CNNM3: variants seen among roughly 807,000 people sequenced by gnomAD.
The protein encoded by CNNM3 is metal transporter CNNM3.
In CNNM3, 47 loss-of-function variants were observed where a neutral mutation model predicts 57.1. That is an observed-to-expected ratio of 0.82 (90% CI 0.65 to 1.05). The LOEUF (loss-of-function observed/expected upper bound fraction) is 1.05, where lower values mean the gene tolerates loss of function less well. Ranked by LOEUF, CNNM3 falls within the 50% of genes least tolerant of loss-of-function variation. CNNM3 has a pLI of 0.00. For synonymous variants in CNNM3, 507 were observed against 478.2 expected (o/e 1.06, Z -0.79); for missense variants, 957 against 973.7 (o/e 0.98, Z 0.23).
intron 7 of CNNM3, 91 bp downstream of exon 7, chr2:96,829,225 C>T (rs1175097259): frequency 1.1e-5 from 16 of 1,426,096 alleles, no homozygotes; most frequent in Non-Finnish European, 1.4e-5. Flanking sequence ...GCCCCCCCAC[C>T]CTCTGTCTTT....
intron 1 of CNNM3, among the ~76,000 whole-genome samples, chr2:96,820,282 G>A (rs535775022): frequency 6.6e-6 from 1 of 152,332 alleles, no homozygotes; most frequent in East Asian, 1.9e-4. Flanking sequence ...GAGCAGCTGA[G>A]GATGAGGCCC....
At position 96,816,497 on chromosome 2, in the gene CNNM3, A is replaced by G. The variant is rs1559004585; in HGVS notation, c.220A>G (p.Ser74Gly). The G allele has an allele frequency of 6.9e-6, 10 of 1,456,642 alleles. No individual in the cohort carries two copies. The highest frequency in any genetic ancestry group is 8.1e-6 in the Non-Finnish European group (9 of 1,104,958). The allele number at this position is 1,456,642 out of a possible 1,614,324, so 90.2% of individuals were successfully genotyped here. ...LRLFGPGFANSSWSWVAPEGA... is the reference protein window; with the variant it reads ...LRLFGPGFANGSWSWVAPEGA... ...CCTCTTCGGCCCGGGCTTCGCCAAC[A>G]GCTCTTGGTCCTGGGTGGCCCCGGA... is the stretch of plus-strand genomic sequence containing the variant. Residue 74 changes from serine to glycine, a missense_variant, in exon 1 of 8, where the codon AGC (serine) becomes GGC (glycine). Physicochemically the swap from Ser to Gly is moderately conservative, Grantham distance 56 (BLOSUM62 0). Around this residue, in one of 2 missense-constraint regions of CNNM3, gnomAD observed 466 missense variants for 403.1 expected, o/e 1.16. Transcript: ENST00000305510.
chr2:96,828,443 G>A, intron 5 of CNNM3, 124 bp from the exon 6 acceptor site: 1 of 1,238,308 alleles, frequency 8.1e-7, no homozygotes, highest in Non-Finnish European at 1.1e-6. Flanking sequence ...AGCTTCCCAT[G>A]CACATTGCCT....
At position 96,834,594 on chromosome 2, in the gene CNNM3, C is replaced by T. The variant is rs1281306342; in HGVS notation, c.*1978C>T. On this transcript the variant is annotated 3_prime_UTR_variant, in exon 8 of 8. Coordinates refer to ENST00000305510, the MANE Select transcript of CNNM3 (RefSeq NM_017623.5). Reference sequence around the variant, plus strand: ...GAACTCCTAGGCTCAAGCGATCCTCCTGCCTCGGCCTCCCAAAGTGTTGAG... The same window carrying T: ...GAACTCCTAGGCTCAAGCGATCCTCTTGCCTCGGCCTCCCAAAGTGTTGAG... Among the ~76,000 whole-genome samples the T allele has an allele frequency of 6.6e-6, 1 of 152,014 alleles. No homozygotes were observed. Among genetic ancestry groups the T allele is most frequent in the Non-Finnish European group, 1.5e-5 (1 of 67,986 alleles).
At position 96,817,212 on chromosome 2, in the gene CNNM3, G is replaced by T; in HGVS notation, c.935G>T (p.Arg312Leu). Residue 312 changes from arginine to leucine, a missense_variant, in exon 1 of 8, where the codon CGG becomes CTG. Physicochemically the swap from Arg to Leu is moderately radical, Grantham distance 102. This residue lies in a region of CNNM3 where 491 missense variants were observed against 570.6 expected (regional missense o/e 0.86). Coordinates refer to ENST00000305510, the MANE Select transcript of CNNM3 (RefSeq NM_017623.5). ...CTCAGCAAGGGCGTGCTGCGCTGCC[G>T]GACCGTGGAGGACGTGCTCACGCCC... ...SDLSKGVLRC[R>L]TVEDVLTPLE... The T allele has an allele frequency of 6.3e-7, 1 of 1,596,638 alleles. No individual in the cohort carries two copies. Among genetic ancestry groups the T allele is most frequent in the Admixed American group, 1.7e-5 (1 of 59,710 alleles).
rs1421786419 is a variant in CNNM3, at chr2:96,816,484, G to C, written c.207G>C (p.Pro69=). 1 of 1,458,514 alleles carries C rather than the reference G, an allele frequency of 6.9e-7. No individual in the cohort carries two copies. Among genetic ancestry groups the C allele is most frequent in the Non-Finnish European group, 9.0e-7 (1 of 1,105,910 alleles). The allele number at this position is 1,458,514 out of a possible 1,614,324, so 90.3% of individuals were successfully genotyped here. The change falls in exon 1 of 8, where the codon CCG becomes CCC. Residue 69 remains proline (P), a synonymous_variant. Coordinates refer to ENST00000305510, the MANE Select transcript of CNNM3 (RefSeq NM_017623.5). ...DATFLLRLFG[P]GFANSSWSWV... Reference sequence around the variant, plus strand: ...CCTTCCTCCTGCGCCTCTTCGGCCCGGGCTTCGCCAACAGCTCTTGGTCCT... The same window carrying C: ...CCTTCCTCCTGCGCCTCTTCGGCCCCGGCTTCGCCAACAGCTCTTGGTCCT...
Position 96,833,401 on chromosome 2 carries a change from CCT to C in CNNM3, c.*791_*792del, listed in dbSNP as rs1414082351. ...AAGGGATCGTCATGCTGCATCGAAT[CCT>C]CTCTCCGCCGTGTGGCCCCCAGGAG... is the stretch of plus-strand genomic sequence containing the variant. On this transcript the variant is annotated 3_prime_UTR_variant, in exon 8 of 8. Coordinates refer to ENST00000305510, the MANE Select transcript of CNNM3 (RefSeq NM_017623.5). 1.8e-5 allele frequency: 4 copies of C among 217,460 alleles called. No individual in the cohort carries two copies. Among genetic ancestry groups the C allele is most frequent in the Non-Finnish European group, 3.7e-5 (4 of 108,044 alleles). 13.5% of individuals were successfully genotyped at this position (217,460 alleles called of 1,614,324 possible).
At chr2:96,817,747 A>G (rs2079346047) in intron 1 of CNNM3, among the ~76,000 whole-genome samples, 1 of 140,916 alleles carries the variant, frequency 7.1e-6, no homozygotes, top group African/African-American at 3.0e-5. Context: ...CCGCGTCAGG[A>G]TAGCCCCCCC....
intron 1 of CNNM3, among the ~76,000 whole-genome samples, chr2:96,822,379 G>A (rs1001795539): frequency 6.6e-5 from 10 of 152,034 alleles, no homozygotes; most frequent in Non-Finnish European, 1.0e-4. Context: ...TGTGATCGTG[G>A]CTCACTGTAG....
chr2:96,823,269 AC>A (rs1232979271), intron 1 of CNNM3, among the ~76,000 whole-genome samples: 3 of 152,106 alleles, frequency 2.0e-5, no homozygotes, highest in African/African-American at 7.2e-5. Flanking sequence ...TCTGTAGGAA[AC>A]CTGCCAAAGG....
rs74931057 is a variant in CNNM3, at chr2:96,830,584, G to A, written c.2059+1450G>A. ...GCCATGTGGATGCTTCAGCCCCTGT[G>A]GGCTCCAGATCTGGGTGTTGGCAAA... On this transcript the variant is annotated intron_variant, in intron 7 of 7. Transcript: ENST00000305510. 1.6e-3 allele frequency among the ~76,000 whole-genome samples: 243 copies of A among 152,364 alleles called. 5 individuals carry two copies. The East Asian group carries it at 0.042, about 27-fold the overall frequency.
At chr2:96,821,553 A>G (rs2079406533) in intron 1 of CNNM3, among the ~76,000 whole-genome samples, 1 of 152,178 alleles carries the variant, frequency 6.6e-6, no homozygotes, top group African/African-American at 2.4e-5. Context: ...CGTGCTGATT[A>G]TTTTGTGCAG....
At chr2:96,831,708 G>A (rs569302087) in intron 7 of CNNM3, among the ~76,000 whole-genome samples, 45 of 152,262 alleles carry the variant, frequency 3.0e-4, no homozygotes, top group Middle Eastern at 3.4e-3. Flanking sequence ...GGTCCTCCAC[G>A]TCAGTTCTTC....
At position 96,821,999 on chromosome 2, in the gene CNNM3, ATTATTATTT is replaced by A. The variant is rs1165928031; in HGVS notation, c.1226-3056_1226-3048del. 6.3e-4 allele frequency among the ~76,000 whole-genome samples: 95 copies of A among 149,818 alleles called. 1 individual carries two copies. The Middle Eastern group carries it at 0.021, about 33-fold the overall frequency. ...TGTACAAAAGAACATTATTATTATT[ATTATTATTT>A]TTTTTTTTTTTTTGAGATGGAGTGT... On this transcript the variant is annotated intron_variant, in intron 1 of 7. Coordinates refer to ENST00000305510, the MANE Select transcript of CNNM3 (RefSeq NM_017623.5).
intron 1 of CNNM3, among the ~76,000 whole-genome samples, chr2:96,822,464 C>T (rs2079423955): frequency 6.6e-6 from 1 of 152,142 alleles, no homozygotes; most frequent in Non-Finnish European, 1.5e-5. Context: ...TGAACACCAC[C>T]ATCCCCAGCT....
At position 96,826,968 on chromosome 2, in the gene CNNM3, G is replaced by A. The variant is rs140196514; in HGVS notation, c.1505G>A (p.Arg502His). 3.7e-6 allele frequency: 6 copies of A among 1,613,896 alleles called. No homozygotes were observed. The highest frequency in any genetic ancestry group is 1.3e-5 in the African/African-American group (1 of 74,938). The change falls in exon 3 of 8, where the codon CGC becomes CAC. Residue 502 changes from arginine (R) to histidine (H), a missense_variant. Physicochemically the swap from Arg to His is conservative, Grantham distance 29. Coordinates refer to ENST00000305510, the MANE Select transcript of CNNM3 (RefSeq NM_017623.5). ...CCTCAGCTGCTCTTGGCCACCCAGC[G>A]CTTCCTGTCCCGAGGTGAGGCGGGA... is the stretch of plus-strand genomic sequence containing the variant. Reference protein sequence around the residue: ...ISPQLLLATQRFLSREVDVFS... With the variant: ...ISPQLLLATQHFLSREVDVFS...
At chr2:96,819,677 T>G (rs560007040) in intron 1 of CNNM3, among the ~76,000 whole-genome samples, 6 of 152,256 alleles carry the variant, frequency 3.9e-5, no homozygotes, top group Non-Finnish European at 5.9e-5. Flanking sequence ...CTAGATTCTT[T>G]AAGAAAAAGC....
Position 96,832,691 on chromosome 2 carries a change from T to G in CNNM3, c.*75T>G. ...GCTGGAGTGAGCTGAGCAGAAGTTT[T>G]GTGCCCGCCTGCCCCCATCCCCTCC... On this transcript the variant is annotated 3_prime_UTR_variant, in exon 8 of 8. Coordinates refer to ENST00000305510, the MANE Select transcript of CNNM3 (RefSeq NM_017623.5). 1 of 1,597,368 alleles carries G rather than the reference T, an allele frequency of 6.3e-7. No homozygotes were observed. The highest frequency in any genetic ancestry group is 8.5e-7 in the Non-Finnish European group (1 of 1,176,206).
rs1018830301 is a variant in CNNM3, at chr2:96,818,242, T to C, written c.1225+740T>C. Among the ~76,000 whole-genome samples the C allele has an allele frequency of 2.0e-5, 3 of 152,016 alleles. 1 individual carries two copies. Among genetic ancestry groups the C allele is most frequent in the Admixed American group, 2.0e-4 (3 of 15,260 alleles). ...TGGGACTACAGATGCACCCCACCAT[T>C]CCGGGCTAATTTTTGTATTTTTAGT... On this transcript the variant is annotated intron_variant, in intron 1 of 7. Coordinates refer to ENST00000305510, the MANE Select transcript of CNNM3 (RefSeq NM_017623.5).
Sources: allele counts gnomAD v4.1 joint callset (sites outside exome capture counted in the v4.1 genomes callset), GRCh38; gene constraint gnomAD v4.1.1; regional missense constraint gnomAD v4.1.1; transcripts MANE v1.5; gene names NCBI Gene and HGNC (gene_info 2026-07-23, HGNC 2026-07-21).